HIF1A: variants seen among roughly 807,000 people sequenced by gnomAD.
The protein encoded by HIF1A is hypoxia inducible factor 1 subunit alpha.
HIF1A carries 24 observed loss-of-function variants against 92.7 expected under a neutral mutation model. The ratio of observed to expected loss-of-function variants is 0.26; its 90% CI spans 0.19 to 0.36. The LOEUF is 0.36. HIF1A is among the 10% of genes least tolerant of loss of function. HIF1A has a pLI of 1.00. For missense variants in HIF1A, 799 were observed against 998.5 expected (o/e 0.80, Z 2.69); for synonymous variants, 319 against 338.7 (o/e 0.94, Z 0.64).
intron 12 of HIF1A, among the ~76,000 whole-genome samples, chr14:61,742,885 CAAAA>C (rs766112676): frequency 1.0e-3 from 17 of 16,594 alleles, no homozygotes; most frequent in Admixed American, 5.4e-3. Context: ...AACTCGGTTT[CAAAA>C]AAAAAAAAAA....
chr14:61,735,993 C>CTTTT (rs10658676), intron 8 of HIF1A, among the ~76,000 whole-genome samples: 7 of 144,198 alleles, frequency 4.9e-5, no homozygotes, highest in African/African-American at 1.3e-4. Flanking sequence ...TTCTTTTTTT[C>CTTTT]TTTTTTTTTT....
At position 61,738,065 on chromosome 14, in the gene HIF1A, G is replaced by T; in HGVS notation, c.1250-22G>T. 1.9e-6 allele frequency: 3 copies of T among 1,544,282 alleles called. No individual in the cohort carries two copies. In the South Asian group the frequency reaches 3.7e-5, roughly 19 times the overall value. On this transcript the variant is annotated intron_variant, in intron 9 of 14. Transcript: ENST00000337138. Reference sequence around the variant, plus strand: ...AAAAAATCCTTCTATACTTTAGATTGACTCATATTTTTTCCCCACAGACAC... The same window carrying T: ...AAAAAATCCTTCTATACTTTAGATTTACTCATATTTTTTCCCCACAGACAC...
chr14:61,703,450 C>T (rs1297785227), intron 1 of HIF1A, among the ~76,000 whole-genome samples: 2 of 152,058 alleles, frequency 1.3e-5, no homozygotes, highest in Non-Finnish European at 2.9e-5. Flanking sequence ...AATCTAGAGT[C>T]TCAAATGATC....
In HIF1A at chr14:61,695,712, C is replaced by T. The variant is rs1033057322; in HGVS notation, c.-93C>T. The T allele has an allele frequency of 6.5e-4, 910 of 1,405,146 alleles. 2 individuals carry two copies. Among genetic ancestry groups the T allele is most frequent in the Non-Finnish European group, 6.1e-4 (623 of 1,021,936 alleles). The allele number at this position is 1,405,146 out of a possible 1,614,324, so 87.0% of individuals were successfully genotyped here. On this transcript the variant is annotated 5_prime_UTR_variant, in exon 1 of 15. Coordinates refer to ENST00000337138, the MANE Select transcript of HIF1A (RefSeq NM_001530.4). ...ACCCCCACCTCTGGACTTGCCTTTC[C>T]TTCTCTTCTCCGCGTGTGGAGGGAG... is the stretch of plus-strand genomic sequence containing the variant.
intron 5 of HIF1A, 69 bp downstream of exon 5, chr14:61,726,887 C>T: frequency 1.1e-6 from 1 of 874,792 alleles, no homozygotes; most frequent in Non-Finnish European, 1.7e-6. Flanking sequence ...ATTAAGATAA[C>T]TTTAGAATTG....
At chr14:61,732,262 T>C (rs1231550916) in intron 6 of HIF1A, among the ~76,000 whole-genome samples, 156 bp from the exon 7 acceptor site, 1 of 152,158 alleles carries the variant, frequency 6.6e-6, no homozygotes, top group African/African-American at 2.4e-5. Flanking sequence ...TTGCCAAAGG[T>C]GAGGTGTAAA....
At chr14:61,712,523 CAG>C (rs933059048) in intron 1 of HIF1A, among the ~76,000 whole-genome samples, 1 of 149,746 alleles carries the variant, frequency 6.7e-6, no homozygotes, top group Non-Finnish European at 1.5e-5. Context: ...AAAAAGATTA[CAG>C]GGGTGCAAAG....
Position 61,745,764 on chromosome 14 carries a change from A to G in HIF1A, c.2276A>G (p.Lys759Arg), listed in dbSNP as rs2044773941. Residue 759 changes from lysine to arginine, a missense_variant, in exon 14 of 15, where the codon AAA (lysine) becomes AGA (arginine). Coordinates refer to ENST00000337138, the MANE Select transcript of HIF1A (RefSeq NM_001530.4). The stretch of plus-strand genomic sequence containing the variant: ...TCTTGGAAACGTGTAAAAGGATGCA[A>G]ATCTAGTGAACAGAATGGAATGGAG... ...SLSWKRVKGC[K>R]SSEQNGMEQK... 3 of 1,612,264 alleles carry G rather than the reference A, an allele frequency of 1.9e-6. No homozygotes were observed. The highest frequency in any genetic ancestry group is 2.5e-6 in the Non-Finnish European group (3 of 1,178,304).
At chr14:61,742,976 A>C (rs922955270) in intron 12 of HIF1A, among the ~76,000 whole-genome samples, 4 of 150,048 alleles carry the variant, frequency 2.7e-5, no homozygotes, top group African/African-American at 9.7e-5. Flanking sequence ...ACAGTTTACT[A>C]TCAGCTACAG....
chr14:61,695,787 C>T lies in HIF1A; in HGVS notation c.-18C>T. The T allele has an allele frequency of 1.3e-6, 2 of 1,595,206 alleles. No individual in the cohort carries two copies. The highest frequency in any genetic ancestry group is 1.1e-5 in the South Asian group (1 of 87,804). On this transcript the variant is annotated 5_prime_UTR_variant, in exon 1 of 15. Transcript: ENST00000337138. ...TGGGGGCCGCCCGCCGTGAAGACAT[C>T]GCGGGGACCGATTCACCATGGAGGG...
intron 1 of HIF1A, among the ~76,000 whole-genome samples, chr14:61,709,390 A>T (rs1458245894): frequency 6.6e-6 from 1 of 152,250 alleles, no homozygotes; most frequent in East Asian, 1.9e-4. Context: ...ATAAATTAAC[A>T]TGTAAATGAA....
Position 61,741,121 on chromosome 14 carries a change from G to A in HIF1A, c.2026G>A (p.Val676Ile), listed in dbSNP as rs1186123822. 1 of 1,613,564 alleles carries A rather than the reference G, an allele frequency of 6.2e-7. No individual in the cohort carries two copies. Among genetic ancestry groups the A allele is most frequent in the Admixed American group, 1.7e-5 (1 of 59,892 alleles). The change falls in exon 12 of 15, where the codon GTC (valine) becomes ATC (isoleucine). Residue 676 changes from valine (V) to isoleucine (I), a missense_variant. Val to Ile is a conservative substitution (Grantham distance 29, BLOSUM62 3). Around this residue, in one of 2 missense-constraint regions of HIF1A, gnomAD observed 283 missense variants for 277.5 expected, o/e 1.02. Coordinates refer to ENST00000337138, the MANE Select transcript of HIF1A (RefSeq NM_001530.4). ...CTCACCAAACAGAGCAGGAAAAGGA[G>A]TCATAGAACAGACAGAAAAATCTCA... ...TASPNRAGKG[V>I]IEQTEKSHPR...
intron 4 of HIF1A, among the ~76,000 whole-genome samples, chr14:61,723,616 G>C (rs2044460795): frequency 6.6e-6 from 1 of 152,286 alleles, no homozygotes; most frequent in Middle Eastern, 3.4e-3. Context: ...AATATGCTGT[G>C]AACAAGGACC....
intron 1 of HIF1A, among the ~76,000 whole-genome samples, chr14:61,715,204 C>T (rs1377743372): frequency 6.6e-6 from 1 of 152,116 alleles, no homozygotes; most frequent in African/African-American, 2.4e-5. Flanking sequence ...TTGGCATTAC[C>T]GGAAGGGATT....
At position 61,698,086 on chromosome 14, in the gene HIF1A, C is replaced by A. The variant is rs148499408; in HGVS notation, c.35+2247C>A. 81 of 464,374 alleles carry A rather than the reference C, an allele frequency of 1.7e-4. 1 individual carries two copies. The highest frequency in any genetic ancestry group is 1.4e-3 in the African/African-American group (69 of 49,670). 28.8% of individuals were successfully genotyped at this position (464,374 alleles called of 1,614,324 possible). A position where few individuals can be genotyped will look rare whatever the true frequency, so the allele number is the denominator to read the frequency against. On this transcript the variant is annotated intron_variant, in intron 1 of 14. Transcript: ENST00000337138. ...AGGGAATGTCAAGAGAGTAATGATT[C>A]TGTTTCAGGCTTCAGGCCAGACTCC...
Position 61,727,509 on chromosome 14 carries a change from G to A in HIF1A, c.627G>A (p.Gln209=). Residue 209 remains glutamine (Q), a synonymous_variant, in exon 6 of 15, where the codon CAG becomes CAA. Transcript: ENST00000337138. ...HVYDTNSNQP[Q]CGYKKPPMTC... The stretch of plus-strand genomic sequence containing the variant: ...ATGATACCAACAGTAACCAACCTCA[G>A]TGTGGGTATAAGAAACCACCTATGA... 4.3e-6 allele frequency: 7 copies of A among 1,613,738 alleles called. No individual in the cohort carries two copies. Among genetic ancestry groups the A allele is most frequent in the Non-Finnish European group, 5.9e-6 (7 of 1,179,848 alleles).
chr14:61,720,938 T>A (rs1315670248), intron 2 of HIF1A, among the ~76,000 whole-genome samples: 4 of 152,154 alleles, frequency 2.6e-5, no homozygotes, highest in Non-Finnish European at 5.9e-5. Flanking sequence ...TCTACCTTTC[T>A]TCCTTTAAAA....
At chr14:61,708,840 C>G (rs534078981) in intron 1 of HIF1A, among the ~76,000 whole-genome samples, 76 of 152,228 alleles carry the variant, frequency 5.0e-4, no homozygotes, top group African/African-American at 1.7e-3. Flanking sequence ...CGTTTGAGAA[C>G]CTTCATCTTA....
rs1270407994 is a variant in HIF1A, at chr14:61,738,311, C to T, written c.1474C>T (p.Pro492Ser). The T allele has an allele frequency of 6.2e-7, 1 of 1,614,002 alleles. No homozygotes were observed. The highest frequency in any genetic ancestry group is 1.1e-5 in the South Asian group (1 of 91,070). The change falls in exon 10 of 15, where the codon CCC becomes TCC. Residue 492 changes from proline (P) to serine (S), a missense_variant. Around this residue, in one of 2 missense-constraint regions of HIF1A, gnomAD observed 516 missense variants for 721.0 expected, o/e 0.72. Transcript: ENST00000337138. ...PESLELSFTM[P>S]QIQDQTPSPS... ...GTCACTGGAACTTTCTTTTACCATGCCCCAGATTCAGGATCAGACACCTAG... is the reference window on the plus strand; with the variant it reads ...GTCACTGGAACTTTCTTTTACCATGTCCCAGATTCAGGATCAGACACCTAG...
Sources: gnomAD v4.1 joint callset for allele counts (sites outside exome capture counted in the v4.1 genomes callset) on GRCh38, gnomAD v4.1.1 for gene constraint, gnomAD v4.1.1 regional missense constraint, MANE v1.5 for transcripts, NCBI Gene and HGNC (gene_info 2026-07-23, HGNC 2026-07-21) for gene names.